Variants in KIAA1614 observed in about 807,000 individuals in gnomAD.
KIAA1614 encodes KIAA1614.
KIAA1614 carries 76 observed loss-of-function variants against 88.7 expected under a neutral mutation model. The observed-to-expected ratio is 0.86, with a 90% CI of 0.71 to 1.04. The LOEUF is 1.04. Ranked by LOEUF, KIAA1614 falls within the 50% of genes least tolerant of loss-of-function variation. The pLI, the probability that KIAA1614 is intolerant of heterozygous loss-of-function variation, is 0.00. For synonymous variants in KIAA1614, 714 were observed against 675.5 expected, an observed-to-expected ratio of 1.06 and a Z score of -0.88; for missense variants, 1,553 against 1,582.5, an observed-to-expected ratio of 0.98 and a Z score of 0.32.
chr1:180,922,060 G>A (rs1039051388), intron 3 of KIAA1614, among the ~76,000 whole-genome samples: 6 of 152,226 alleles, frequency 3.9e-5, no homozygotes, highest in African/African-American at 1.4e-4. Flanking sequence ...AGGAGCCCGC[G>A]CCAGGGCGGC....
chr1:180,920,955 A>T (rs78386434), intron 3 of KIAA1614, among the ~76,000 whole-genome samples: 1 of 152,346 alleles, frequency 6.6e-6, no homozygotes, highest in East Asian at 1.9e-4. Context: ...AGCTCTTATT[A>T]TGTGGCAAGA....
chr1:180,936,242 C>T lies in KIAA1614; in HGVS notation c.2333C>T (p.Pro778Leu), dbSNP rs1654330556. 2 of 1,614,102 alleles carry T rather than the reference C, an allele frequency of 1.2e-6. No individual in the cohort carries two copies. The highest frequency in any genetic ancestry group is 1.3e-5 in the African/African-American group (1 of 74,926). ...CACGAGTCCCTGGAAATTGTCTCTCCTTCCTCCCTGCAACAGAGCCATGCA... is the reference window on the plus strand; with the variant it reads ...CACGAGTCCCTGGAAATTGTCTCTCTTTCCTCCCTGCAACAGAGCCATGCA... ...ESHESLEIVSPSSLQQSHAEP... is the reference protein window; with the variant it reads ...ESHESLEIVSLSSLQQSHAEP... Residue 778 changes from proline (P) to leucine (L), a missense_variant, in exon 5 of 9, where the codon CCT becomes CTT. Coordinates refer to ENST00000367588, the MANE Select transcript of KIAA1614 (RefSeq NM_020950.2).
chr1:180,944,883 C>G (rs990509368), intron 8 of KIAA1614: 1 of 253,224 alleles, frequency 3.9e-6, no homozygotes, highest in Non-Finnish European at 7.4e-6. Context: ...CAAAGAGGCC[C>G]GTGACCCATG....
chr1:180,922,845 C>G (rs534654819), intron 3 of KIAA1614, among the ~76,000 whole-genome samples: 23 of 152,258 alleles, frequency 1.5e-4, no homozygotes, highest in African/African-American at 5.5e-4. Context: ...TCGGGCCCCA[C>G]AGGTTGAGGG....
intron 1 of KIAA1614, among the ~76,000 whole-genome samples, chr1:180,915,929 C>T (rs1653783338): frequency 6.6e-6 from 1 of 152,156 alleles, no homozygotes; most frequent in South Asian, 2.1e-4. Flanking sequence ...CAAAACCATT[C>T]CACCGCACCC....
intron 1 of KIAA1614, among the ~76,000 whole-genome samples, chr1:180,915,915 A>G (rs1173625961): frequency 6.6e-6 from 1 of 152,160 alleles, no homozygotes; most frequent in African/African-American, 2.4e-5. Flanking sequence ...GAACAGTTTC[A>G]TCCCAAAACC....
In KIAA1614 at chr1:180,938,512, G is replaced by A. The variant is rs760600904; in HGVS notation, c.2762-43G>A. The A allele has an allele frequency of 2.5e-6, 4 of 1,602,130 alleles. No homozygotes were observed. In the South Asian group the frequency reaches 4.5e-5, roughly 18 times the overall value. ...TCCCATTCCCCCACAGGACCTGTGG[G>A]ATGAGCCGGTCTGACTCAGGTGGGA... On this transcript the variant is annotated intron_variant, in intron 5 of 8. Coordinates refer to ENST00000367588, the MANE Select transcript of KIAA1614 (RefSeq NM_020950.2).
Position 180,950,395 on chromosome 1 carries a change from G to A in KIAA1614, c.*4807G>A. 3 of 1,236,570 alleles carry A rather than the reference G, an allele frequency of 2.4e-6. No homozygotes were observed. Among genetic ancestry groups the A allele is most frequent in the Non-Finnish European group, 3.1e-6 (3 of 961,252 alleles). 76.6% of individuals were successfully genotyped at this position (1,236,570 alleles called of 1,614,324 possible). A position where few individuals can be genotyped will look rare whatever the true frequency, so the allele number is the denominator to read the frequency against. ...GCATGGCCAAGCTGTACTCAGGGCT[G>A]CTGGGGGTGGGCGATGAGATCCTCG... On this transcript the variant is annotated 3_prime_UTR_variant, in exon 9 of 9. Transcript: ENST00000367588.
intron 3 of KIAA1614, among the ~76,000 whole-genome samples, chr1:180,918,697 T>C (rs750981900): frequency 2.0e-5 from 3 of 152,186 alleles, no homozygotes; most frequent in Non-Finnish European, 4.4e-5. Context: ...GCCTTGTGGT[T>C]TCTGCGGAGG....
chr1:180,916,317 GTA>G lies in KIAA1614; in HGVS notation c.216_217del (p.Trp73GlyfsTer76), dbSNP rs1558063021. 1 of 1,614,084 alleles carries G rather than the reference GTA, an allele frequency of 6.2e-7. No individual in the cohort carries two copies. Among genetic ancestry groups the G allele is most frequent in the Non-Finnish European group, 8.5e-7 (1 of 1,180,010 alleles). On this transcript the variant is annotated frameshift_variant, in exon 2 of 9. Transcript: ENST00000367588. LOFTEE classifies it high-confidence loss of function. ...CCTGATGGCCCCCCAGCCTCCCAGG[GTA>G]TGGGGAGTACAGCTCCAGGGCCCCT... ...SSLMAPQPPR[V>X]WGVQLQGPSV...
chr1:180,945,803 A>G lies in KIAA1614; in HGVS notation c.*215A>G, dbSNP rs1177847253. On this transcript the variant is annotated 3_prime_UTR_variant, in exon 9 of 9. Coordinates refer to ENST00000367588, the MANE Select transcript of KIAA1614 (RefSeq NM_020950.2). ...CACTGTCCCCCTGCTGTCTGATGAC[A>G]TCTTGAAATTAGAAGCTTAGGCCGG... The G allele has an allele frequency of 7.5e-7, 1 of 1,336,400 alleles. No individual in the cohort carries two copies. The highest frequency in any genetic ancestry group is 9.5e-7 in the Non-Finnish European group (1 of 1,052,324). The allele number at this position is 1,336,400 out of a possible 1,614,324, so 82.8% of individuals were successfully genotyped here. A position where few individuals can be genotyped will look rare whatever the true frequency, so the allele number is the denominator to read the frequency against.
chr1:180,935,088 ACCTCTCT>A lies in KIAA1614; in HGVS notation c.1206-22_1206-16del, dbSNP rs749593790. The A allele has an allele frequency of 2.2e-6, 3 of 1,366,374 alleles. No individual in the cohort carries two copies. In the Admixed American group the frequency reaches 1.1e-4, roughly 49 times the overall value. The allele number at this position is 1,366,374 out of a possible 1,614,324, so 84.6% of individuals were successfully genotyped here. A position where few individuals can be genotyped will look rare whatever the true frequency, so the allele number is the denominator to read the frequency against. On this transcript the variant is annotated intron_variant, in intron 4 of 8. Coordinates refer to ENST00000367588, the MANE Select transcript of KIAA1614 (RefSeq NM_020950.2). The surrounding 1 kb of genome is among the most constrained non-coding windows in gnomAD (Gnocchi z 6.1). ...ATACCTCCCCAGGTTTCTGCCCTTG[ACCTCTCT>A]CCTCCTGTCTCTTCATCAGAGATGG...
At position 180,948,858 on chromosome 1, in the gene KIAA1614, T is replaced by C. The variant is rs77556828; in HGVS notation, c.*3270T>C. ...CACCTCAGACCAGGGAGGGGGAATG[T>C]GTACAAAGATTGGATTTACTAAATT... is the stretch of plus-strand genomic sequence containing the variant. On this transcript the variant is annotated 3_prime_UTR_variant, in exon 9 of 9. Transcript: ENST00000367588. 0.15 allele frequency: 22,636 copies of C among 152,242 alleles called. 1,743 individuals are homozygous for C. The highest frequency in any genetic ancestry group is 0.2 in the East Asian group (1,048 of 5,182). The allele number at this position is 152,242 out of a possible 1,614,324, so 9.4% of individuals were successfully genotyped here.
intron 3 of KIAA1614, among the ~76,000 whole-genome samples, chr1:180,924,033 G>A (rs370750774): frequency 3.8e-4 from 58 of 152,140 alleles, no homozygotes; most frequent in African/African-American, 1.4e-3. Context: ...CACGCTCCCA[G>A]TGTCTCACCC....
chr1:180,934,007 C>T (rs1209119280), intron 4 of KIAA1614, among the ~76,000 whole-genome samples: 3 of 152,214 alleles, frequency 2.0e-5, no homozygotes, highest in African/African-American at 7.2e-5. Flanking sequence ...GTAATCCCAG[C>T]ACTTTGGGAG....
At chr1:180,919,421 C>A (rs939447023) in intron 3 of KIAA1614, among the ~76,000 whole-genome samples, 1 of 152,200 alleles carries the variant, frequency 6.6e-6, no homozygotes, top group Non-Finnish European at 1.5e-5. Flanking sequence ...TACAGAAAGG[C>A]CTGTGGGCCT....
Position 180,935,046 on chromosome 1 carries a change from A to C in KIAA1614, c.1206-69A>C. ...GACTGTAGCCCAGGGTGGAGAGGGT[A>C]GGGCCGATGCGTGTCCATACCTCCC... On this transcript the variant is annotated intron_variant, in intron 4 of 8. Transcript: ENST00000367588. This position sits in a 1 kb window ranked among gnomAD's most constrained non-coding sequence, Gnocchi z 6.1. The C allele has an allele frequency of 9.1e-7, 1 of 1,104,802 alleles. No homozygotes were observed. The highest frequency in any genetic ancestry group is 1.2e-6 in the Non-Finnish European group (1 of 836,814). 68.4% of individuals were successfully genotyped at this position (1,104,802 alleles called of 1,614,324 possible). A position where few individuals can be genotyped will look rare whatever the true frequency, so the allele number is the denominator to read the frequency against.
chr1:180,934,793 A>G (rs1249538619), intron 4 of KIAA1614, among the ~76,000 whole-genome samples: 1 of 152,086 alleles, frequency 6.6e-6, no homozygotes, highest in African/African-American at 2.4e-5. Context: ...CCAGCAACAC[A>G]CACTTGTGAG....
At chr1:180,938,983 C>T (rs940181996) in intron 6 of KIAA1614, among the ~76,000 whole-genome samples, 1 of 152,246 alleles carries the variant, frequency 6.6e-6, no homozygotes, top group African/African-American at 2.4e-5. Context: ...TAGCAGAGCC[C>T]TAGCCCTGGG....
Sources: gnomAD v4.1 joint callset for allele counts (sites outside exome capture counted in the v4.1 genomes callset) on GRCh38, gnomAD v4.1.1 for gene constraint, Gnocchi (gnomAD v3.1) non-coding constraint, MANE v1.5 for transcripts, NCBI Gene and HGNC (gene_info 2026-07-23, HGNC 2026-07-21) for gene names.